DNAH9: variants seen among roughly 807,000 people sequenced by gnomAD.
DNAH9 encodes the protein DNAH9 variant protein.
Under a neutral mutation model 471.6 loss-of-function variants are expected in DNAH9, and 345 were observed. The ratio of observed to expected loss-of-function variants is 0.73; its 90% CI spans 0.67 to 0.80. The LOEUF is 0.80. Ranked by LOEUF, DNAH9 falls within the 30% of genes least tolerant of loss-of-function variation. DNAH9 has a pLI of 0.00. For missense variants in DNAH9, 5,407 were observed against 5,609.2 expected (o/e 0.96, Z 1.15); for synonymous variants, 2,093 against 2,123.6 (o/e 0.99, Z 0.40).
At chr17:11,669,941 C>G (rs561434817) in intron 17 of DNAH9, 147 bp downstream of exon 17, 53 of 711,594 alleles carry the variant, frequency 7.4e-5, no homozygotes, top group Non-Finnish European at 1.1e-4. Flanking sequence ...CTTTTGGACA[C>G]CATGGTAACT....
At chr17:11,732,180 T>C (rs563983626) in intron 28 of DNAH9, among the ~76,000 whole-genome samples, 3 of 152,314 alleles carry the variant, frequency 2.0e-5, no homozygotes, top group African/African-American at 7.2e-5. Flanking sequence ...CAACACAAGG[T>C]CAGCAATGCA....
In DNAH9 at chr17:11,937,011, A is replaced by C. The variant is rs1974733642; in HGVS notation, c.12490-341A>C. 6.6e-6 allele frequency among the ~76,000 whole-genome samples: 1 copy of C among 152,206 alleles called. No individual in the cohort carries two copies. Among genetic ancestry groups the C allele is most frequent in the Non-Finnish European group, 1.5e-5 (1 of 68,040 alleles). On this transcript the variant is annotated intron_variant, in intron 65 of 68. Transcript: ENST00000262442. The surrounding 1 kb of genome is among the most constrained non-coding windows in gnomAD (Gnocchi z 4.1). ...CTAGGGAGGGATTCGTATTTTTGAA[A>C]GACTATGAGAAGTCCTCCTCTGGTC... is the stretch of plus-strand genomic sequence containing the variant.
intron 45 of DNAH9, among the ~76,000 whole-genome samples, chr17:11,812,822 A>G (rs184689414): frequency 5.4e-4 from 83 of 152,296 alleles, no homozygotes; most frequent in African/African-American, 1.7e-3. Context: ...ACCTTCTGCA[A>G]TAGTGTTTAA....
At chr17:11,961,505 A>C (rs922843603) in intron 67 of DNAH9, among the ~76,000 whole-genome samples, 3 of 152,106 alleles carry the variant, frequency 2.0e-5, no homozygotes, top group African/African-American at 7.2e-5. Flanking sequence ...TGCATGCAGG[A>C]GAGTCATGGA....
At chr17:11,946,199 CAAAAA>C (rs34028612) in intron 67 of DNAH9, among the ~76,000 whole-genome samples, 1 of 47,330 alleles carries the variant, frequency 2.1e-5, no homozygotes, top group African/African-American at 8.2e-5. Context: ...GAGTCCATCT[CAAAAA>C]AAAAAAAAAA....
Position 11,919,358 on chromosome 17 carries a change from G to A in DNAH9, c.11750-4456G>A, listed in dbSNP as rs981137696. On this transcript the variant is annotated intron_variant, in intron 61 of 68. Transcript: ENST00000262442. ...AAAATACAAAAAATTAGCCAGGCGT[G>A]GTGGCGGGCGCCTGTAGTCCCAGCT... is the stretch of plus-strand genomic sequence containing the variant. 9.3e-4 allele frequency among the ~76,000 whole-genome samples: 141 copies of A among 152,062 alleles called. 1 individual carries two copies. Among genetic ancestry groups the A allele is most frequent in the African/African-American group, 3.1e-3 (129 of 41,488 alleles).
intron 10 of DNAH9, among the ~76,000 whole-genome samples, chr17:11,642,010 G>A (rs373651780): frequency 6.6e-6 from 1 of 152,084 alleles, no homozygotes; most frequent in African/African-American, 2.4e-5. Context: ...GGGGAGGGGC[G>A]TGACCTTTGG....
intron 67 of DNAH9, among the ~76,000 whole-genome samples, chr17:11,943,543 GGTGT>G (rs1975013425): frequency 1.3e-5 from 2 of 152,070 alleles, no homozygotes; most frequent in African/African-American, 4.8e-5. Context: ...CAGGCGTGGC[GGTGT>G]GCACCTGTAG....
At chr17:11,729,310 C>G (rs1208771268) in intron 28 of DNAH9, among the ~76,000 whole-genome samples, 1 of 152,096 alleles carries the variant, frequency 6.6e-6, no homozygotes, top group Non-Finnish European at 1.5e-5. Flanking sequence ...CCTTCTCCTG[C>G]TAGGGGCGGC....
chr17:11,844,908 T>C (rs1177266299), intron 49 of DNAH9, among the ~76,000 whole-genome samples: 2 of 152,148 alleles, frequency 1.3e-5, no homozygotes, highest in Admixed American at 6.6e-5. Context: ...ATTAGCTACG[T>C]TGAGCTTTTT....
rs778221643 is a variant in DNAH9 at position 11,608,220 on chromosome 17, A to G, written c.509A>G (p.Gln170Arg). ...EDVRRHAHSL[Q>R]CDLSVILEQV... is the part of the protein sequence containing the mutation. ...GTCAGGCGGCACGCCCACAGCCTCC[A>G]ATGTGACCTCTCAGTTATACTTGAG... The change falls in exon 2 of 69, where the codon CAA becomes CGA. Residue 170 changes from glutamine (Q) to arginine (R), a missense_variant. By Grantham distance (43) the Gln-to-Arg change is conservative. Around this residue, in one of 3 missense-constraint regions of DNAH9, gnomAD observed 767 missense variants for 692.5 expected, o/e 1.11. Coordinates refer to ENST00000262442, the MANE Select transcript of DNAH9 (RefSeq NM_001372.4). The G allele has an allele frequency of 1.9e-6, 3 of 1,614,096 alleles. No individual in the cohort carries two copies. The highest frequency in any genetic ancestry group is 2.5e-6 in the Non-Finnish European group (3 of 1,179,930).
chr17:11,952,692 C>G (rs1053856751), intron 67 of DNAH9, among the ~76,000 whole-genome samples: 4 of 152,112 alleles, frequency 2.6e-5, no homozygotes, highest in Middle Eastern at 3.4e-3. Flanking sequence ...AATTTCAGCC[C>G]TTCTCTCCTA....
intron 50 of DNAH9, among the ~76,000 whole-genome samples, chr17:11,860,884 T>A (rs906449467): frequency 6.6e-6 from 1 of 152,150 alleles, no homozygotes; most frequent in African/African-American, 2.4e-5. Flanking sequence ...TTTTATGCTT[T>A]TGTCTGGTGA....
rs934939064 is a variant in DNAH9, at chr17:11,697,832, C to T, written c.4873-1899C>T. 5.9e-5 allele frequency among the ~76,000 whole-genome samples: 9 copies of T among 151,974 alleles called. No homozygotes were observed. The South Asian group carries it at 1.9e-3, about 32-fold the overall frequency. On this transcript the variant is annotated intron_variant, in intron 22 of 68. Coordinates refer to ENST00000262442, the MANE Select transcript of DNAH9 (RefSeq NM_001372.4). ...TTAGTGTTGCTAATACTGCTATAAA[C>T]TGTACTCTGTCATTGTTAGTCTCCT...
chr17:11,904,350 G>C (rs1973513921), intron 60 of DNAH9, among the ~76,000 whole-genome samples: 1 of 152,086 alleles, frequency 6.6e-6, no homozygotes, highest in African/African-American at 2.4e-5. Flanking sequence ...TGGGGAGGGG[G>C]CCAGGCACAG....
At chr17:11,765,992 G>A (rs1967920605) in intron 36 of DNAH9, among the ~76,000 whole-genome samples, 1 of 152,034 alleles carries the variant, frequency 6.6e-6, no homozygotes, top group Non-Finnish European at 1.5e-5. Flanking sequence ...ATCCCCTCAA[G>A]CCTTTTAAAA....
At chr17:11,771,854 C>G (rs1198792232) in intron 38 of DNAH9, among the ~76,000 whole-genome samples, 2 of 152,196 alleles carry the variant, frequency 1.3e-5, no homozygotes, top group African/African-American at 4.8e-5. Flanking sequence ...GAGTGTGAAT[C>G]TGACTTAGAC....
intron 49 of DNAH9, among the ~76,000 whole-genome samples, chr17:11,841,379 A>G (rs1235338702): frequency 6.6e-6 from 1 of 152,186 alleles, no homozygotes; most frequent in African/African-American, 2.4e-5. Context: ...GAGGAAAGAG[A>G]AAAAACATTT....
chr17:11,897,051 C>A (rs188989655), intron 59 of DNAH9, among the ~76,000 whole-genome samples: 1 of 152,154 alleles, frequency 6.6e-6, no homozygotes, highest in Non-Finnish European at 1.5e-5. Context: ...GATCACTTTG[C>A]GCTCCAGCCT....
Sources: allele counts gnomAD v4.1 joint callset (sites outside exome capture counted in the v4.1 genomes callset), GRCh38; gene constraint gnomAD v4.1.1; regional missense constraint gnomAD v4.1.1; non-coding constraint Gnocchi (gnomAD v3.1); transcripts MANE v1.5; gene names NCBI Gene and HGNC (gene_info 2026-07-23, HGNC 2026-07-21).